SYNJ1: variants seen among roughly 807,000 people sequenced by gnomAD.
The protein encoded by SYNJ1 is synaptojanin 1.
SYNJ1 carries 78 observed loss-of-function variants against 168.2 expected under a neutral mutation model. The ratio of observed to expected loss-of-function variants is 0.46; its 90% CI spans 0.39 to 0.56. The LOEUF (loss-of-function observed/expected upper bound fraction) is 0.56. Ranked by LOEUF, SYNJ1 falls within the 20% of genes least tolerant of loss-of-function variation. The pLI is 0.00. For missense variants in SYNJ1, 1,303 were observed against 1,597.6 expected (o/e 0.82, Z 3.14); for synonymous variants, 539 against 548.6 (o/e 0.98, Z 0.24).
At chr21:32,696,305 A>T (rs984472037) in intron 4 of SYNJ1, among the ~76,000 whole-genome samples, 2 of 152,230 alleles carry the variant, frequency 1.3e-5, no homozygotes, top group African/African-American at 4.8e-5. Flanking sequence ...TAGGTAACAG[A>T]TGTGGCCTGG....
At chr21:32,714,239 G>C (rs890411944) in intron 2 of SYNJ1, among the ~76,000 whole-genome samples, 8 of 152,304 alleles carry the variant, frequency 5.3e-5, no homozygotes, top group Non-Finnish European at 1.0e-4. Flanking sequence ...AAGAGGTAAA[G>C]TGGTAACAGG....
At chr21:32,635,937 T>C (rs1802255475) in intron 31 of SYNJ1, among the ~76,000 whole-genome samples, 1 of 152,148 alleles carries the variant, frequency 6.6e-6, no homozygotes, top group Admixed American at 6.5e-5. Flanking sequence ...GTAAATCTTC[T>C]CCAATATCTA....
chr21:32,678,157 A>G (rs1289760612), intron 12 of SYNJ1, among the ~76,000 whole-genome samples: 1 of 152,184 alleles, frequency 6.6e-6, no homozygotes, highest in Non-Finnish European at 1.5e-5. Flanking sequence ...CCCAATAATT[A>G]GCACTACTTT....
rs113741908 is a variant in SYNJ1, at chr21:32,661,116, T to C, written c.2305-3244A>G. Among the ~76,000 whole-genome samples, 12 of 152,306 alleles carry C rather than the reference T, an allele frequency of 7.9e-5. 1 individual carries two copies. Among genetic ancestry groups the C allele is most frequent in the African/African-American group, 2.9e-4 (12 of 41,578 alleles). The stretch of plus-strand genomic sequence containing the variant: ...AAGAAGGATGGATCAGACTGCCAGA[T>C]GGGAAGGTAGCTGTGCCACAGTTGC... On this transcript the variant is annotated intron_variant, in intron 18 of 32. Transcript: ENST00000674351.
At position 32,694,231 on chromosome 21, in the gene SYNJ1, C is replaced by A. The variant is rs2146165594; in HGVS notation, c.786G>T (p.Leu262Phe). The A allele has an allele frequency of 6.5e-7, 1 of 1,532,710 alleles. No homozygotes were observed. The highest frequency in any genetic ancestry group is 1.3e-5 in the South Asian group (1 of 77,428). 94.9% of individuals were successfully genotyped at this position (1,532,710 alleles called of 1,614,324 possible). The change falls in exon 6 of 33, where the codon TTG (leucine) becomes TTT (phenylalanine). Residue 262 changes from leucine (L) to phenylalanine (F), a missense_variant. Around this residue, in one of 2 missense-constraint regions of SYNJ1, gnomAD observed 920 missense variants for 1,208.8 expected, o/e 0.76. Transcript: ENST00000674351. ...TAACTGAATGTCAAACACATACTTG[C>A]AACCCTGGTTGCTCCCAGAACAATG... ...SVPLFWEQPGLQVGSHRVRMS... is the reference protein window; with the variant it reads ...SVPLFWEQPGFQVGSHRVRMS...
intron 22 of SYNJ1, among the ~76,000 whole-genome samples, chr21:32,652,134 C>T (rs2833934): frequency 0.032 from 4,903 of 151,964 alleles, 84 homozygotes; most frequent in Middle Eastern, 0.038. Context: ...CATGAGTATA[C>T]TAGTATTACA....
chr21:32,631,667 T>C lies in SYNJ1; in HGVS notation c.*138A>G. The C allele has an allele frequency of 6.2e-7, 1 of 1,614,208 alleles. No homozygotes were observed. On this transcript the variant is annotated 3_prime_UTR_variant, in exon 33 of 33. Transcript: ENST00000674351. ...GCAACTGAATCAACCTCTTTGGGTC[T>C]GGGGTGGGAACAGGTGACGTTTGAA...
At chr21:32,692,984 T>C (rs998577006) in intron 6 of SYNJ1, among the ~76,000 whole-genome samples, 1 of 152,128 alleles carries the variant, frequency 6.6e-6, no homozygotes, top group African/African-American at 2.4e-5. Context: ...TGAGCCATGA[T>C]TGCACCAGTG....
intron 2 of SYNJ1, among the ~76,000 whole-genome samples, chr21:32,707,402 T>C (rs1443254463): frequency 6.7e-6 from 1 of 148,852 alleles, no homozygotes; most frequent in African/African-American, 2.5e-5. Context: ...TCCTCCTGCC[T>C]CAGCCTCCTT....
In SYNJ1 at chr21:32,631,609, C is replaced by T. The variant is rs2145658940; in HGVS notation, c.*196G>A. 6.7e-7 allele frequency: 1 copy of T among 1,494,826 alleles called. No individual in the cohort carries two copies. The highest frequency in any genetic ancestry group is 1.2e-5 in the South Asian group (1 of 85,478). 92.6% of individuals were successfully genotyped at this position (1,494,826 alleles called of 1,614,324 possible). A position where few individuals can be genotyped will look rare whatever the true frequency, so the allele number is the denominator to read the frequency against. On this transcript the variant is annotated 3_prime_UTR_variant, in exon 33 of 33. Coordinates refer to ENST00000674351, the MANE Select transcript of SYNJ1 (RefSeq NM_203446.3). ...GGAGGCATTGTTGGCATGCAACTTA[C>T]AGAACTCAAAACATTACTTTGCGTT...
intron 2 of SYNJ1, among the ~76,000 whole-genome samples, chr21:32,713,203 T>C (rs1489794729): frequency 1.3e-5 from 2 of 149,146 alleles, no homozygotes; most frequent in East Asian, 4.0e-4. Context: ...TGATTTCCCA[T>C]ATGTCAACAT....
rs2040180938 is a variant in SYNJ1, at chr21:32,649,148, T to G, written c.3037+1036A>C. The stretch of plus-strand genomic sequence containing the variant: ...TTATCACATTTATGTCACTTTATTA[T>G]AATTGCCTGCTTACTTACACGTAAC... On this transcript the variant is annotated intron_variant, in intron 23 of 32. Coordinates refer to ENST00000674351, the MANE Select transcript of SYNJ1 (RefSeq NM_203446.3). Among the ~76,000 whole-genome samples, 3 of 152,260 alleles carry G rather than the reference T, an allele frequency of 2.0e-5. No homozygotes were observed. In the South Asian group the frequency reaches 6.2e-4, roughly 31 times the overall value.
intron 18 of SYNJ1, among the ~76,000 whole-genome samples, chr21:32,659,794 G>T (rs968647462): frequency 2.4e-4 from 36 of 152,192 alleles, no homozygotes; most frequent in African/African-American, 8.0e-4. Context: ...CTCGGTGTCT[G>T]AGGGGTTCTT....
intron 2 of SYNJ1, among the ~76,000 whole-genome samples, chr21:32,705,626 AT>A (rs1379849776): frequency 6.6e-6 from 1 of 152,156 alleles, no homozygotes; most frequent in East Asian, 1.9e-4. Flanking sequence ...CAAAACAATT[AT>A]AAAGGGAAAA....
chr21:32,705,573 A>T (rs2042577110), intron 2 of SYNJ1, among the ~76,000 whole-genome samples: 1 of 152,190 alleles, frequency 6.6e-6, no homozygotes, highest in African/African-American at 2.4e-5. Flanking sequence ...AATAAGAGTA[A>T]TGGGTTATAA....
At position 32,629,705 on chromosome 21, in the gene SYNJ1, C is replaced by T. The variant is rs1444479789; in HGVS notation, c.*2100G>A. 1.3e-5 allele frequency: 2 copies of T among 152,266 alleles called. No homozygotes were observed. The highest frequency in any genetic ancestry group is 2.4e-5 in the African/African-American group (1 of 41,440). 9.4% of individuals were successfully genotyped at this position (152,266 alleles called of 1,614,324 possible). On this transcript the variant is annotated 3_prime_UTR_variant, in exon 33 of 33. Coordinates refer to ENST00000674351, the MANE Select transcript of SYNJ1 (RefSeq NM_203446.3). Reference sequence around the variant, plus strand: ...ATTGTAACTGAAACTGACAAAGAAACAACTATTGCTCAAGGAGTTTTCTGA... The same window carrying T: ...ATTGTAACTGAAACTGACAAAGAAATAACTATTGCTCAAGGAGTTTTCTGA...
chr21:32,703,586 A>T (rs1472689694), intron 2 of SYNJ1, among the ~76,000 whole-genome samples: 1 of 152,244 alleles, frequency 6.6e-6, no homozygotes, highest in Non-Finnish European at 1.5e-5. Flanking sequence ...GAGGTTTACA[A>T]GTTATATGCC....
In SYNJ1 at chr21:32,646,005, C is replaced by T. The variant is rs1489747531; in HGVS notation, c.3248-216G>A. The T allele has an allele frequency of 3.6e-6, 3 of 832,606 alleles. No individual in the cohort carries two copies. In the South Asian group the frequency reaches 4.1e-5, roughly 11 times the overall value. 51.6% of individuals were successfully genotyped at this position (832,606 alleles called of 1,614,324 possible). On this transcript the variant is annotated intron_variant, in intron 24 of 32. Coordinates refer to ENST00000674351, the MANE Select transcript of SYNJ1 (RefSeq NM_203446.3). ...TGCTACCTCTGTGCTGACTTCTTAC[C>T]TAGGCCTCAGGTGCTGAAAGCTAAT...
intron 22 of SYNJ1, 133 bp downstream of exon 22, chr21:32,653,155 A>G: frequency 1.4e-6 from 1 of 692,490 alleles, no homozygotes; most frequent in South Asian, 2.2e-5. Flanking sequence ...AAAACATTAA[A>G]TAACTCCTCG....
Sources: allele counts gnomAD v4.1 joint callset (sites outside exome capture counted in the v4.1 genomes callset), GRCh38; gene constraint gnomAD v4.1.1; regional missense constraint gnomAD v4.1.1; transcripts MANE v1.5; gene names NCBI Gene and HGNC (gene_info 2026-07-23, HGNC 2026-07-21).